The following GAS2 variants were observed in gnomAD, a reference collection of about 807,000 sequenced individuals.
The protein encoded by GAS2 is growth arrest specific 2.
In GAS2, 20 loss-of-function variants were observed where a neutral mutation model predicts 37.5. The observed-to-expected ratio is 0.53, with a 90% confidence interval of 0.37 to 0.77. The LOEUF (loss-of-function observed/expected upper bound fraction) is 0.77, where lower values mean the gene tolerates loss of function less well. GAS2 is among the 30% of genes least tolerant of loss of function. The pLI is 0.00. For missense variants in GAS2, 336 were observed against 373.4 expected (o/e 0.90, Z 0.82); for synonymous variants, 144 against 132.2 (o/e 1.09, Z -0.61).
intron 7 of GAS2, among the ~76,000 whole-genome samples, chr11:22,790,175 G>T (rs1188115177): frequency 6.6e-6 from 1 of 152,150 alleles, no homozygotes; most frequent in African/African-American, 2.4e-5. Context: ...TGGGAAATTG[G>T]ATGAGAGTGA....
At chr11:22,627,684 A>G (rs549681903) in intron 1 of GAS2, among the ~76,000 whole-genome samples, 1 of 151,814 alleles carries the variant, frequency 6.6e-6, no homozygotes, top group Admixed American at 6.6e-5. Context: ...TTAAGGCAGG[A>G]GAATAGCTTG....
intron 6 of GAS2, among the ~76,000 whole-genome samples, chr11:22,751,196 G>T (rs1196241785): frequency 1.3e-5 from 2 of 151,826 alleles, no homozygotes; most frequent in Non-Finnish European, 1.5e-5. Context: ...TGGCTATTTT[G>T]TCTGCTGCAT....
intron 3 of GAS2, among the ~76,000 whole-genome samples, chr11:22,703,984 A>C (rs1373550341): frequency 6.6e-6 from 1 of 152,198 alleles, no homozygotes; most frequent in African/African-American, 2.4e-5. Flanking sequence ...CATATCTTGA[A>C]GCCAAAAGAA....
chr11:22,747,570 C>A (rs1853479730), intron 5 of GAS2, among the ~76,000 whole-genome samples: 1 of 151,944 alleles, frequency 6.6e-6, no homozygotes, highest in Non-Finnish European at 1.5e-5. Flanking sequence ...TATCTGAATT[C>A]TGAAAAAAAT....
Position 22,812,233 on chromosome 11 carries a change from T to A in GAS2, c.*217T>A. 2.0e-6 allele frequency: 1 copy of A among 493,900 alleles called. No homozygotes were observed. The highest frequency in any genetic ancestry group is 3.6e-6 in the Non-Finnish European group (1 of 278,224). The allele number at this position is 493,900 out of a possible 1,614,324, so 30.6% of individuals were successfully genotyped here. On this transcript the variant is annotated 3_prime_UTR_variant, in exon 8 of 8. Coordinates refer to ENST00000454584, the MANE Select transcript of GAS2 (RefSeq NM_001143830.3). The stretch of plus-strand genomic sequence containing the variant: ...AAAATCTAAACTCAAATTTAAATTA[T>A]CCAAATTTTAGGCAAATTATTATTT...
intron 1 of GAS2, among the ~76,000 whole-genome samples, chr11:22,670,855 T>C (rs1191131432): frequency 6.6e-6 from 1 of 152,110 alleles, no homozygotes; most frequent in Non-Finnish European, 1.5e-5. Context: ...GGCTTCTAAG[T>C]GAAATCTCAT....
At chr11:22,650,639 T>C (rs1290176949) in intron 1 of GAS2, among the ~76,000 whole-genome samples, 2 of 150,348 alleles carry the variant, frequency 1.3e-5, no homozygotes, top group East Asian at 2.0e-4. Context: ...TAGTTAGCTC[T>C]TCTTGTTGAA....
chr11:22,627,284 C>A (rs985177428), intron 1 of GAS2, among the ~76,000 whole-genome samples: 20 of 152,106 alleles, frequency 1.3e-4, no homozygotes, highest in Admixed American at 1.1e-3. Context: ...ATATTTAACA[C>A]CTATTATGAT....
chr11:22,764,829 G>A lies in GAS2; in HGVS notation c.723+8876G>A, dbSNP rs182820495. 2.9e-3 allele frequency among the ~76,000 whole-genome samples: 435 copies of A among 152,302 alleles called. 4 individuals carry two copies. Among genetic ancestry groups the A allele is most frequent in the Middle Eastern group, 0.017 (5 of 294 alleles). On this transcript the variant is annotated intron_variant, in intron 7 of 7. Transcript: ENST00000454584. ...TTACCACTATTGGCCATTTAGCAAT[G>A]AGTAGATTTTTCAATAGTGTCTACC...
intron 3 of GAS2, among the ~76,000 whole-genome samples, chr11:22,711,330 G>T (rs562773684): frequency 6.6e-6 from 1 of 152,318 alleles, no homozygotes; most frequent in Admixed American, 6.5e-5. Flanking sequence ...CAGTCTTCAA[G>T]TGAAGTCCAG....
At chr11:22,741,773 C>A (rs1013622882) in intron 5 of GAS2, among the ~76,000 whole-genome samples, 3 of 152,084 alleles carry the variant, frequency 2.0e-5, no homozygotes, top group Non-Finnish European at 4.4e-5. Context: ...CCTTCCAAAT[C>A]TAAATCAATC....
At position 22,758,210 on chromosome 11, in the gene GAS2, G is replaced by C. The variant is rs1185292571; in HGVS notation, c.723+2257G>C. Among the ~76,000 whole-genome samples the C allele has an allele frequency of 3.3e-5, 5 of 152,184 alleles. No individual in the cohort carries two copies. In the East Asian group the frequency reaches 9.6e-4, roughly 29 times the overall value. ...TTAACTATATTTCCTTGAACACCTG[G>C]ATTAAGTAGTAAGTGCCTGTAGTCA... On this transcript the variant is annotated intron_variant, in intron 7 of 7. Transcript: ENST00000454584.
At chr11:22,641,266 AT>A (rs956297620) in intron 1 of GAS2, among the ~76,000 whole-genome samples, 7 of 142,478 alleles carry the variant, frequency 4.9e-5, no homozygotes, top group African/African-American at 1.8e-4. Context: ...CTTTATATAT[AT>A]ATCTTTATAT....
At chr11:22,682,782 G>A (rs1849744450) in intron 2 of GAS2, among the ~76,000 whole-genome samples, 1 of 145,494 alleles carries the variant, frequency 6.9e-6, no homozygotes, top group Admixed American at 7.2e-5. Context: ...GGAGGCAGAG[G>A]TTGCAGTGAG....
At chr11:22,652,133 T>C (rs1315413158) in intron 1 of GAS2, among the ~76,000 whole-genome samples, 2 of 152,212 alleles carry the variant, frequency 1.3e-5, no homozygotes, top group African/African-American at 2.4e-5. Context: ...GTTTTCCTTC[T>C]AAGAGACAGG....
intron 1 of GAS2, among the ~76,000 whole-genome samples, chr11:22,636,119 G>GT (rs951604951): frequency 2.0e-5 from 3 of 151,982 alleles, no homozygotes; most frequent in Non-Finnish European, 2.9e-5. Flanking sequence ...TTTGTTTTTT[G>GT]TTTTTTTCAG....
At chr11:22,717,801 A>C (rs1851753275) in intron 3 of GAS2, among the ~76,000 whole-genome samples, 1 of 152,180 alleles carries the variant, frequency 6.6e-6, no homozygotes, top group Non-Finnish European at 1.5e-5. Flanking sequence ...CCCATCAAAC[A>C]GTGGGCAAAG....
intron 7 of GAS2, among the ~76,000 whole-genome samples, chr11:22,767,552 AT>A (rs67856061): frequency 0.33 from 50,513 of 151,624 alleles, 9,697 homozygotes; most frequent in South Asian, 0.49. Context: ...TATGTGAATG[AT>A]TTTTTTTGCA....
intron 1 of GAS2, among the ~76,000 whole-genome samples, chr11:22,637,237 T>C (rs1858839868): frequency 1.5e-5 from 1 of 65,818 alleles, no homozygotes; most frequent in South Asian, 5.5e-4. Context: ...AATATAATAT[T>C]AATTATATTA....
Sources: allele counts gnomAD v4.1 joint callset (sites outside exome capture counted in the v4.1 genomes callset), GRCh38; gene constraint gnomAD v4.1.1; transcripts MANE v1.5; gene names NCBI Gene and HGNC (gene_info 2026-07-23, HGNC 2026-07-21).